The following NCKAP5 variants were observed in gnomAD, a reference collection of about 807,000 sequenced individuals.
NCKAP5 encodes nck-associated protein 5.
In NCKAP5, 92 loss-of-function variants were observed where a neutral mutation model predicts 167.0. That is an observed-to-expected ratio of 0.55 (90% CI 0.47 to 0.66). NCKAP5 has a LOEUF of 0.66. NCKAP5 is among the 30% of genes least tolerant of loss of function. The probability of loss-of-function intolerance (pLI) is 0.00; values close to 1 mark genes in which losing one functional copy is unlikely to be tolerated. For synonymous variants in NCKAP5, 891 were observed against 877.4 expected (o/e 1.02, Z -0.27); for missense variants, 2,378 against 2,315.0 (o/e 1.03, Z -0.56).
At chr2:132,679,229 T>A (rs1684887090) in intron 19 of NCKAP5, among the ~76,000 whole-genome samples, 1 of 152,148 alleles carries the variant, frequency 6.6e-6, no homozygotes, top group South Asian at 2.1e-4. Context: ...ACAAGTGTCT[T>A]CCTGTAAAAA....
chr2:132,920,779 A>ATGTATGTATGTGTG lies in NCKAP5; in HGVS notation c.580-41864_580-41863insCACACATACATACA, dbSNP rs1227435162. 2.3e-3 allele frequency among the ~76,000 whole-genome samples: 43 copies of ATGTATGTATGTGTG among 18,846 alleles called. 2 individuals carry two copies. Among genetic ancestry groups the ATGTATGTATGTGTG allele is most frequent in the African/African-American group, 0.013 (39 of 2,966 alleles). 12.4% of individuals were successfully genotyped at this position (18,846 alleles called of 152,430 possible). A position where few individuals can be genotyped will look rare whatever the true frequency, so the allele number is the denominator to read the frequency against. On this transcript the variant is annotated intron_variant, in intron 8 of 19. Coordinates refer to ENST00000409261, the MANE Select transcript of NCKAP5 (RefSeq NM_207363.3). ...TATGTATATATATGTATGTATATAT[A>ATGTATGTATGTGTG]TATATATATATATATATATATATAT...
In NCKAP5 at chr2:132,963,156, C is replaced by T. The variant is rs59646226; in HGVS notation, c.579+564G>A. ...ATGTCGAATGCCACGAAGTAACAGA[C>T]GGGTGTTATCATATCCCGGTCTGGA... On this transcript the variant is annotated intron_variant, in intron 8 of 19. Coordinates refer to ENST00000409261, the MANE Select transcript of NCKAP5 (RefSeq NM_207363.3). 2.6e-3 allele frequency among the ~76,000 whole-genome samples: 392 copies of T among 152,266 alleles called. 2 individuals carry two copies. Among genetic ancestry groups the T allele is most frequent in the African/African-American group, 8.7e-3 (362 of 41,558 alleles).
At chr2:133,111,385 A>G (rs947304173) in intron 6 of NCKAP5, among the ~76,000 whole-genome samples, 11 of 152,238 alleles carry the variant, frequency 7.2e-5, no homozygotes. Context: ...CTCAATGATC[A>G]GCCAACAAGC....
upstream of NCKAP5, among the ~76,000 whole-genome samples, chr2:133,571,214 G>A (rs185566214): frequency 6.6e-6 from 1 of 152,014 alleles, no homozygotes; most frequent in Admixed American, 6.5e-5. Context: ...TTTTTTTTAT[G>A]GCCCACATAT....
intron 7 of NCKAP5, among the ~76,000 whole-genome samples, chr2:132,990,778 G>A (rs2077427165): frequency 6.6e-6 from 1 of 152,226 alleles, no homozygotes; most frequent in Admixed American, 6.5e-5. Context: ...CCCCCAGAAA[G>A]AATGCAGCCT....
the NCKAP5 span, among the ~76,000 whole-genome samples, chr2:133,652,871 A>G: frequency 2.0e-5 from 3 of 152,218 alleles, no homozygotes; most frequent in African/African-American, 7.2e-5. Context: ...CAGCACTCAC[A>G]CTGACTTTGT....
Position 133,522,294 on chromosome 2 carries a change from C to T in NCKAP5, c.-61-4707G>A, listed in dbSNP as rs765353583. ...CCGCCACCTTATCCCTCTGGCTCCTCCAGCCCTTTCAACACCATCATAAAA... is the reference window on the plus strand; with the variant it reads ...CCGCCACCTTATCCCTCTGGCTCCTTCAGCCCTTTCAACACCATCATAAAA... On this transcript the variant is annotated intron_variant, in intron 2 of 19. Transcript: ENST00000409261. Among the ~76,000 whole-genome samples, 11 of 152,262 alleles carry T rather than the reference C, an allele frequency of 7.2e-5. No individual in the cohort carries two copies. The Middle Eastern group carries it at 0.01, about 141-fold the overall frequency.
At chr2:133,417,326 C>A (rs1689180051) in intron 3 of NCKAP5, among the ~76,000 whole-genome samples, 1 of 152,156 alleles carries the variant, frequency 6.6e-6, no homozygotes, top group Non-Finnish European at 1.5e-5. Flanking sequence ...TTCCCATTAA[C>A]CCCGATTGCC....
At chr2:132,705,355 A>T (rs540762538) in intron 19 of NCKAP5, among the ~76,000 whole-genome samples, 1 of 151,974 alleles carries the variant, frequency 6.6e-6, no homozygotes, top group African/African-American at 2.4e-5. Flanking sequence ...ACCATCTCCA[A>T]TTCCTCTCTT....
At chr2:133,306,469 A>G (rs1328523140) in intron 3 of NCKAP5, among the ~76,000 whole-genome samples, 1 of 152,254 alleles carries the variant, frequency 6.6e-6, no homozygotes, top group Non-Finnish European at 1.5e-5. Context: ...AAAGAGCCTC[A>G]GACATGCTGA....
chr2:133,012,784 C>T (rs925831383), intron 6 of NCKAP5, among the ~76,000 whole-genome samples: 1 of 152,092 alleles, frequency 6.6e-6, no homozygotes, highest in Non-Finnish European at 1.5e-5. Context: ...TCTGCTCATT[C>T]TGTCTCTCAA....
intron 4 of NCKAP5, among the ~76,000 whole-genome samples, chr2:133,251,839 AG>A (rs1263741831): frequency 2.9e-4 from 44 of 152,360 alleles, no homozygotes; most frequent in African/African-American, 1.0e-3. Context: ...TCCTTTTAAC[AG>A]CAATGAAGAC....
chr2:132,795,707 T>C (rs1166232177), intron 12 of NCKAP5, among the ~76,000 whole-genome samples: 2 of 150,614 alleles, frequency 1.3e-5, no homozygotes, highest in African/African-American at 4.9e-5. Flanking sequence ...TAATCCCAGC[T>C]ACTTGGGAGG....
intron 8 of NCKAP5, among the ~76,000 whole-genome samples, chr2:132,887,348 T>TATCTATCTATCTATCC (rs1000015209): frequency 7.0e-5 from 9 of 128,700 alleles, no homozygotes; most frequent in Middle Eastern, 3.8e-3. Flanking sequence ...TCTATCTATC[T>TATCTATCTATCTATCC]ATCCATCCAT....
chr2:133,660,548 AG>A, the NCKAP5 span, among the ~76,000 whole-genome samples: 1 of 152,240 alleles, frequency 6.6e-6, no homozygotes, highest in Non-Finnish European at 1.5e-5. Context: ...AATTTTCAAC[AG>A]AGAATCATGA....
chr2:132,988,261 G>C (rs909818502), intron 7 of NCKAP5, among the ~76,000 whole-genome samples: 1 of 151,936 alleles, frequency 6.6e-6, no homozygotes, highest in African/African-American at 2.4e-5. Flanking sequence ...TCAGGAGATC[G>C]AGACCATCAT....
intron 5 of NCKAP5, among the ~76,000 whole-genome samples, chr2:133,204,737 A>C (rs1365509096): frequency 2.0e-5 from 3 of 152,204 alleles, no homozygotes; most frequent in African/African-American, 7.2e-5. Context: ...ACAATGTAGA[A>C]TTTCCATTTC....
chr2:133,297,887 T>C (rs1437008864), intron 4 of NCKAP5, among the ~76,000 whole-genome samples: 1 of 152,188 alleles, frequency 6.6e-6, no homozygotes, highest in Non-Finnish European at 1.5e-5. Flanking sequence ...CAAAGGCATA[T>C]AAAATCAGAG....
intron 8 of NCKAP5, among the ~76,000 whole-genome samples, chr2:132,932,234 T>C (rs1696434222): frequency 6.6e-6 from 1 of 152,256 alleles, no homozygotes; most frequent in African/African-American, 2.4e-5. Flanking sequence ...TTTGTTTCTT[T>C]CATGGTTTTT....
Sources: gnomAD v4.1 joint callset for allele counts (sites outside exome capture counted in the v4.1 genomes callset) on GRCh38, gnomAD v4.1.1 for gene constraint, MANE v1.5 for transcripts, NCBI Gene and HGNC (gene_info 2026-07-23, HGNC 2026-07-21) for gene names.